The following AMN1 variants were observed in gnomAD, a reference collection of about 807,000 sequenced individuals.
AMN1 encodes antagonist of mitotic exit network 1 homolog.
Under a neutral mutation model 33.0 loss-of-function variants are expected in AMN1, and 20 were observed. The observed-to-expected ratio is 0.61, with a 90% confidence interval of 0.43 to 0.88. The LOEUF (loss-of-function observed/expected upper bound fraction) is 0.88. AMN1 is among the 40% of genes least tolerant of loss of function. AMN1 has a pLI of 0.00. For synonymous variants in AMN1, 114 were observed against 111.9 expected (o/e 1.02, Z -0.12); for missense variants, 246 against 307.4 (o/e 0.80, Z 1.49).
At chr12:31,700,153 TAAA>T (rs751705879) in intron 3 of AMN1, among the ~76,000 whole-genome samples, 1 of 133,690 alleles carries the variant, frequency 7.5e-6, no homozygotes, top group Admixed American at 7.6e-5. Context: ...TTCTTATATT[TAAA>T]AAAAAAAAAA....
chr12:31,728,996 G>T lies in AMN1; in HGVS notation c.13C>A (p.Arg5=), dbSNP rs552636079. ...AGATCCAGGAGCTGACTGACCCGCC[G>T]TGGGCGAGGCATCGCTGCAGCGTCT... The part of the protein sequence containing the change: MPRP[R]RVSQLLDLCL... The change falls in exon 1 of 7, where the codon CGG becomes AGG. Residue 5 remains arginine, a synonymous_variant. Coordinates refer to ENST00000281471, the MANE Select transcript of AMN1 (RefSeq NM_001113402.2). 43 of 1,545,562 alleles carry T rather than the reference G, an allele frequency of 2.8e-5. No homozygotes were observed. In the African/African-American group the frequency reaches 3.8e-4, roughly 14 times the overall value.
chr12:31,728,699 G>A (rs1229578812), intron 1 of AMN1, among the ~76,000 whole-genome samples: 1 of 152,220 alleles, frequency 6.6e-6, no homozygotes, highest in Non-Finnish European at 1.5e-5. Context: ...GTAACAGCCG[G>A]GGCGCCGAGC....
At chr12:31,722,352 C>G (rs1345252706) in intron 1 of AMN1, among the ~76,000 whole-genome samples, 1 of 152,170 alleles carries the variant, frequency 6.6e-6, no homozygotes, top group Non-Finnish European at 1.5e-5. Flanking sequence ...GGTTGCTCAA[C>G]AATGAGCCAA....
intron 6 of AMN1, among the ~76,000 whole-genome samples, chr12:31,680,444 G>A (rs1043418987): frequency 2.0e-5 from 3 of 152,194 alleles, no homozygotes; most frequent in African/African-American, 7.2e-5. Flanking sequence ...CAGGTGATCC[G>A]CCTGCCTCGG....
intron 1 of AMN1, among the ~76,000 whole-genome samples, chr12:31,718,063 G>A (rs556511673): frequency 1.7e-4 from 26 of 152,160 alleles, no homozygotes; most frequent in African/African-American, 5.3e-4. Context: ...CCAATCAATC[G>A]TAGGTTTGGT....
chr12:31,709,331 T>A lies in AMN1; in HGVS notation c.133A>T (p.Ser45Cys). ...GAATCTGTTATCTGTCCCTGCATAC[T>A]CATTATTTTAATCAGTCTGTCTTTT... ...NIKDRLIKIM[S>C]MQGQITDSNI... is the part of the protein sequence containing the mutation. The change falls in exon 2 of 7, where the codon AGT (serine) becomes TGT (cysteine). Residue 45 changes from serine to cysteine, a missense_variant. By Grantham distance (112) the Ser-to-Cys change is moderately radical. Transcript: ENST00000281471. The A allele has an allele frequency of 6.2e-7, 1 of 1,613,884 alleles. No individual in the cohort carries two copies. The highest frequency in any genetic ancestry group is 8.5e-7 in the Non-Finnish European group (1 of 1,179,784).
chr12:31,681,739 ATGT>A (rs1254570758), intron 6 of AMN1, among the ~76,000 whole-genome samples: 1 of 152,074 alleles, frequency 6.6e-6, no homozygotes, highest in African/African-American at 2.4e-5. Context: ...GTCTCAGTTA[ATGT>A]TGTGCAGGCT....
chr12:31,728,315 CACTT>C (rs1455205135), intron 1 of AMN1, among the ~76,000 whole-genome samples: 3 of 152,120 alleles, frequency 2.0e-5, no homozygotes, highest in Non-Finnish European at 4.4e-5. Context: ...ATAACAATAA[CACTT>C]AGTGGTGTTT....
At chr12:31,681,019 T>C (rs1565761540) in intron 6 of AMN1, among the ~76,000 whole-genome samples, 1 of 152,158 alleles carries the variant, frequency 6.6e-6, no homozygotes, top group African/African-American at 2.4e-5. Context: ...CATTCAATGA[T>C]GTTAGCAAAA....
chr12:31,706,050 C>T (rs1415406738), intron 2 of AMN1, among the ~76,000 whole-genome samples: 3 of 152,068 alleles, frequency 2.0e-5, no homozygotes, highest in African/African-American at 4.8e-5. Context: ...CGGTGGCTCA[C>T]GCCTGTAATC....
intron 5 of AMN1, among the ~76,000 whole-genome samples, chr12:31,692,925 A>G (rs1366252300): frequency 6.6e-6 from 1 of 152,234 alleles, no homozygotes; most frequent in Non-Finnish European, 1.5e-5. Context: ...GTACTACCAC[A>G]TATCTAGAAT....
In AMN1 at chr12:31,712,233, CATT is replaced by C. The variant is rs555541749; in HGVS notation, c.39-2811_39-2809del. On this transcript the variant is annotated intron_variant, in intron 1 of 6. Coordinates refer to ENST00000281471, the MANE Select transcript of AMN1 (RefSeq NM_001113402.2). ...TGCTTACCACACTTGACTAAGATTT[CATT>C]ATTATTTTATTTTATTATTATTTTT... is the stretch of plus-strand genomic sequence containing the variant. Among the ~76,000 whole-genome samples the C allele has an allele frequency of 1.1e-3, 167 of 152,082 alleles. 1 individual carries two copies. Among genetic ancestry groups the C allele is most frequent in the African/African-American group, 3.9e-3 (163 of 41,436 alleles).
At chr12:31,677,617 T>A (rs566018108) in intron 6 of AMN1, among the ~76,000 whole-genome samples, 1 of 152,150 alleles carries the variant, frequency 6.6e-6, no homozygotes, top group Non-Finnish European at 1.5e-5. Context: ...CAGAAAAGGA[T>A]TCCCCAAAGT....
At chr12:31,682,436 G>A (rs987989926) in intron 6 of AMN1, among the ~76,000 whole-genome samples, 7 of 146,410 alleles carry the variant, frequency 4.8e-5, no homozygotes, top group African/African-American at 1.7e-4. Context: ...TCAGAAGGGG[G>A]AGGGTAAGAG....
At chr12:31,697,546 A>T in intron 4 of AMN1, 129 bp from the exon 5 acceptor site, 2 of 1,059,894 alleles carry the variant, frequency 1.9e-6, no homozygotes, top group Non-Finnish European at 2.8e-6. Context: ...TTAGCCATAT[A>T]TACCTTTCAC....
At chr12:31,689,424 T>C (rs1039081073) in intron 5 of AMN1, among the ~76,000 whole-genome samples, 1 of 152,144 alleles carries the variant, frequency 6.6e-6, no homozygotes, top group African/African-American at 2.4e-5. Flanking sequence ...AAGGAAACAA[T>C]TTATAAATAT....
intron 1 of AMN1, among the ~76,000 whole-genome samples, chr12:31,713,295 G>A (rs946157960): frequency 1.3e-5 from 2 of 151,960 alleles, no homozygotes; most frequent in Admixed American, 6.6e-5. Flanking sequence ...ATGTATATAT[G>A]TTTATTTACA....
intron 1 of AMN1, among the ~76,000 whole-genome samples, chr12:31,728,057 C>T (rs1940151197): frequency 1.3e-5 from 2 of 151,934 alleles, no homozygotes; most frequent in African/African-American, 4.8e-5. Flanking sequence ...GGCGGGGTTT[C>T]GCCACGTTGC....
At chr12:31,705,132 G>T (rs1036099588) in intron 2 of AMN1, among the ~76,000 whole-genome samples, 9 of 152,128 alleles carry the variant, frequency 5.9e-5, no homozygotes, top group Non-Finnish European at 1.2e-4. Flanking sequence ...GATATATCAG[G>T]TTAATGCAGA....
Sources: allele counts gnomAD v4.1 joint callset (sites outside exome capture counted in the v4.1 genomes callset), GRCh38; gene constraint gnomAD v4.1.1; transcripts MANE v1.5; gene names NCBI Gene and HGNC (gene_info 2026-07-23, HGNC 2026-07-21).